The following MYO3A variants were observed in gnomAD, a reference collection of about 807,000 sequenced individuals.
The protein encoded by MYO3A is myosin IIIA.
Under a neutral mutation model 192.7 loss-of-function variants are expected in MYO3A, and 180 were observed. The ratio of observed to expected loss-of-function variants is 0.93; its 90% CI spans 0.83 to 1.06. The LOEUF is 1.06. Among genes scored for constraint, MYO3A ranks in the 50% least tolerant of loss-of-function variants. The probability of loss-of-function intolerance (pLI) is 0.00; values close to 1 mark genes in which losing one functional copy is unlikely to be tolerated. For synonymous variants in MYO3A, 628 were observed against 645.3 expected (o/e 0.97, Z 0.41); for missense variants, 1,896 against 1,905.0 (o/e 1.00, Z 0.09).
Position 26,174,211 on chromosome 10 carries a change from T to TA in MYO3A, c.3948dup (p.Cys1317MetfsTer13), listed in dbSNP as rs1589079163. Reference sequence around the variant, plus strand: ...TCTGTAGTTACCCAGCGTGCACCGATATGCAGCCAGGAGGAAGGCAGAGGC... The same window carrying TA: ...TCTGTAGTTACCCAGCGTGCACCGATAATGCAGCCAGGAGGAAGGCAGAGGC... On this transcript the variant is annotated frameshift_variant, in exon 30 of 35. Coordinates refer to ENST00000642920, the MANE Select transcript of MYO3A (RefSeq NM_017433.5). LOFTEE classifies it high-confidence loss of function. 1.2e-6 allele frequency: 2 copies of TA among 1,614,128 alleles called. No homozygotes were observed. Among genetic ancestry groups the TA allele is most frequent in the Admixed American group, 1.7e-5 (1 of 60,022 alleles).
chr10:26,112,709 A>AT (rs1204629540), intron 17 of MYO3A, among the ~76,000 whole-genome samples: 1 of 152,166 alleles, frequency 6.6e-6, no homozygotes, highest in Non-Finnish European at 1.5e-5. Flanking sequence ...TCACGTGTGC[A>AT]TTTGTGATTC....
intron 4 of MYO3A, among the ~76,000 whole-genome samples, chr10:25,988,354 CT>C (rs1270619836): frequency 1.3e-5 from 2 of 150,142 alleles, no homozygotes; most frequent in Non-Finnish European, 2.9e-5. Context: ...CCCTAAAAAC[CT>C]ATTGAAATTT....
intron 4 of MYO3A, among the ~76,000 whole-genome samples, chr10:25,963,611 C>G (rs755661149): frequency 2.0e-5 from 3 of 152,126 alleles, no homozygotes; most frequent in African/African-American, 4.8e-5. Context: ...CAGAATTGTT[C>G]CTTCTTCCCT....
rs1844271575 is a variant in MYO3A, at chr10:26,212,449, C to T, written c.*486C>T. ...AGCCCGGGAGGGGTGGGGAGAATTT[C>T]GAAGATGTATTTCATCTCAAGCTTG... is the stretch of plus-strand genomic sequence containing the variant. On this transcript the variant is annotated 3_prime_UTR_variant, in exon 35 of 35. Transcript: ENST00000642920. 4.5e-6 allele frequency: 1 copy of T among 221,112 alleles called. No individual in the cohort carries two copies. Among genetic ancestry groups the T allele is most frequent in the South Asian group, 1.8e-4 (1 of 5,460 alleles). The allele number at this position is 221,112 out of a possible 1,614,324, so 13.7% of individuals were successfully genotyped here. A position where few individuals can be genotyped will look rare whatever the true frequency, so the allele number is the denominator to read the frequency against.
intron 32 of MYO3A, among the ~76,000 whole-genome samples, chr10:26,197,961 C>A (rs920308293): frequency 6.6e-6 from 1 of 152,196 alleles, no homozygotes; most frequent in Non-Finnish European, 1.5e-5. Context: ...GGCCTATGCT[C>A]GCTGTTACAG....
intron 17 of MYO3A, among the ~76,000 whole-genome samples, chr10:26,106,139 A>G (rs1383285018): frequency 1.3e-5 from 2 of 152,098 alleles, no homozygotes; most frequent in Non-Finnish European, 2.9e-5. Context: ...TGTAAGATCA[A>G]TATATTCAAT....
chr10:26,170,381 A>C, intron 28 of MYO3A, 35 bp from the exon 29 acceptor site: 2 of 1,607,392 alleles, frequency 1.2e-6, no homozygotes, highest in Middle Eastern at 1.7e-4. Flanking sequence ...TTATTTGTTT[A>C]TAATTAACAC....
intron 30 of MYO3A, among the ~76,000 whole-genome samples, chr10:26,176,021 G>A (rs10764598): frequency 0.33 from 49,714 of 151,998 alleles, 8,337 homozygotes; most frequent in South Asian, 0.44. Flanking sequence ...AAGGCCGGGC[G>A]CGGTGGCTCA....
At chr10:26,044,029 G>A (rs1226733393) in intron 10 of MYO3A, among the ~76,000 whole-genome samples, 1 of 152,210 alleles carries the variant, frequency 6.6e-6, no homozygotes, top group African/African-American at 2.4e-5. Context: ...GTCAGCAGGT[G>A]ATGGGTCGTG....
intron 4 of MYO3A, among the ~76,000 whole-genome samples, chr10:25,965,334 G>A (rs112146328): frequency 0.043 from 6,563 of 152,150 alleles, 181 homozygotes; most frequent in Middle Eastern, 0.068. Flanking sequence ...AATGTCATCT[G>A]GGAGCTAGGG....
chr10:26,024,311 C>G (rs1051485921), intron 9 of MYO3A, among the ~76,000 whole-genome samples: 2 of 152,066 alleles, frequency 1.3e-5, no homozygotes, highest in Non-Finnish European at 2.9e-5. Flanking sequence ...TTCTGTGGAC[C>G]CTTTATAATC....
chr10:25,998,060 T>A (rs993397), intron 6 of MYO3A, among the ~76,000 whole-genome samples: 103,352 of 152,030 alleles, frequency 0.68, 35,692 homozygotes, highest in African/African-American at 0.8. Flanking sequence ...GTATACTTCC[T>A]TGTTTGCATT....
intron 29 of MYO3A, among the ~76,000 whole-genome samples, chr10:26,171,670 A>G (rs1283481850): frequency 6.6e-6 from 1 of 152,156 alleles, no homozygotes; most frequent in Non-Finnish European, 1.5e-5. Context: ...TCTCTTTGTT[A>G]CTGGCGATAA....
intron 2 of MYO3A, among the ~76,000 whole-genome samples, chr10:25,950,469 G>C (rs1837141041): frequency 6.6e-6 from 1 of 152,124 alleles, no homozygotes; most frequent in African/African-American, 2.4e-5. Flanking sequence ...AGTGCAGTAG[G>C]GTTGCTGGGC....
At chr10:26,142,274 C>G (rs1840209059) in intron 20 of MYO3A, among the ~76,000 whole-genome samples, 1 of 152,232 alleles carries the variant, frequency 6.6e-6, no homozygotes, top group Non-Finnish European at 1.5e-5. Flanking sequence ...TGCTTATCAC[C>G]TGAGAAGCAG....
chr10:25,961,759 A>G (rs1837944032), intron 4 of MYO3A, among the ~76,000 whole-genome samples: 2 of 152,196 alleles, frequency 1.3e-5, no homozygotes, highest in Non-Finnish European at 2.9e-5. Context: ...TACCTGATTT[A>G]TAAACATGAA....
At position 26,173,805 on chromosome 10, in the gene MYO3A, A is replaced by G; in HGVS notation, c.3541A>G (p.Ser1181Gly). The G allele has an allele frequency of 1.2e-6, 2 of 1,614,146 alleles. 1 individual carries two copies. The highest frequency in any genetic ancestry group is 3.3e-4 in the Middle Eastern group (2 of 6,062). ...AGAGGAAACCACCAATGCTGTGGAG[A>G]GTAACAACAGAGTGTATCAGACTCC... ...PEEETTNAVESNNRVYQTPKK... is the reference protein window; with the variant it reads ...PEEETTNAVEGNNRVYQTPKK... Residue 1181 changes from serine (S) to glycine (G), a missense_variant, in exon 30 of 35, where the codon AGT (serine) becomes GGT (glycine). Physicochemically the swap from Ser to Gly is moderately conservative, Grantham distance 56. Transcript: ENST00000642920.
At chr10:26,184,412 G>GA (rs1842766898) in intron 31 of MYO3A, among the ~76,000 whole-genome samples, 1 of 152,102 alleles carries the variant, frequency 6.6e-6, no homozygotes, top group South Asian at 2.1e-4. Flanking sequence ...ATTTATTAAG[G>GA]AAAAAATTAC....
intron 24 of MYO3A, 35 bp from the exon 25 acceptor site, chr10:26,154,711 T>C (rs773581321): frequency 1.3e-6 from 2 of 1,576,592 alleles, no homozygotes; most frequent in Admixed American, 1.7e-5. Flanking sequence ...GTACAATAGA[T>C]ACCAAGGCAT....
Sources: gnomAD v4.1 joint callset for allele counts (sites outside exome capture counted in the v4.1 genomes callset) on GRCh38, gnomAD v4.1.1 for gene constraint, MANE v1.5 for transcripts, NCBI Gene and HGNC (gene_info 2026-07-23, HGNC 2026-07-21) for gene names.